The following PAX2 variants were observed in gnomAD, a reference collection of about 807,000 sequenced individuals.
The protein encoded by PAX2 is paired box 2.
PAX2 carries 9 observed loss-of-function variants against 41.7 expected under a neutral mutation model. The ratio of observed to expected loss-of-function variants is 0.22; its 90% confidence interval spans 0.13 to 0.38. The LOEUF (loss-of-function observed/expected upper bound fraction) is 0.38, where lower values mean the gene tolerates loss of function less well. Among genes scored for constraint, PAX2 ranks in the 10% least tolerant of loss-of-function variants. The probability of loss-of-function intolerance (pLI) is 1.00; values close to 1 mark genes in which losing one functional copy is unlikely to be tolerated. For synonymous variants in PAX2, 221 were observed against 212.7 expected (o/e 1.04, Z -0.34); for missense variants, 418 against 531.6 (o/e 0.79, Z 2.10).
rs1308370920 is a variant in PAX2, at chr10:100,827,906, G to A, written c.*287G>A. The A allele has an allele frequency of 4.4e-6, 2 of 458,122 alleles. No individual in the cohort carries two copies. Among genetic ancestry groups the A allele is most frequent in the African/African-American group, 2.1e-5 (1 of 47,516 alleles). 28.4% of individuals were successfully genotyped at this position (458,122 alleles called of 1,614,324 possible). ...CTGGACTGCGCGGCGCCGTGAGGGG[G>A]ATTCGGCCCAGCTCGTCCCGGCCTC... On this transcript the variant is annotated 3_prime_UTR_variant, in exon 10 of 10. Coordinates refer to ENST00000355243, the MANE Select transcript of PAX2 (RefSeq NM_000278.5). This position sits in a 1 kb window ranked among gnomAD's most constrained non-coding sequence, Gnocchi z 8.5.
Position 100,807,788 on chromosome 10 carries a change from A to G in PAX2, c.792+1183A>G, listed in dbSNP as rs146769583. Among the ~76,000 whole-genome samples, 725 of 152,300 alleles carry G rather than the reference A, an allele frequency of 4.8e-3. 10 individuals carry two copies. Among genetic ancestry groups the G allele is most frequent in the African/African-American group, 0.017 (694 of 41,558 alleles). On this transcript the variant is annotated intron_variant, in intron 6 of 9. Transcript: ENST00000355243. ...AGACAGCATTGCTGTGCTTGCATGC[A>G]TGCACACACGCACCCACACATGCAC... is the stretch of plus-strand genomic sequence containing the variant.
At position 100,789,054 on chromosome 10, in the gene PAX2, C is replaced by A. The variant is rs553783209; in HGVS notation, c.616+7689C>A. Among the ~76,000 whole-genome samples, 3 of 152,250 alleles carry A rather than the reference C, an allele frequency of 2.0e-5. No homozygotes were observed. In the South Asian group the frequency reaches 6.2e-4, roughly 32 times the overall value. On this transcript the variant is annotated intron_variant, in intron 5 of 9. Transcript: ENST00000355243. ...TCTCCTCCCAGACCCTGGTTCAGCA[C>A]TGTAAGAAGGCATTTATGTTGGTAG...
At chr10:100,745,452 C>T (rs1290540660), upstream of PAX2, among the ~76,000 whole-genome samples, 1 of 151,570 alleles carries the variant, frequency 6.6e-6, no homozygotes, top group African/African-American at 2.4e-5. Context: ...CCAGCGCTGG[C>T]GAATCACAGA....
chr10:100,794,719 T>C (rs1847261192), intron 5 of PAX2, among the ~76,000 whole-genome samples: 1 of 152,216 alleles, frequency 6.6e-6, no homozygotes, highest in South Asian at 2.1e-4. Flanking sequence ...ATCCATAATA[T>C]AGCCTAAGAT....
At chr10:100,758,724 G>A (rs567641038) in intron 3 of PAX2, among the ~76,000 whole-genome samples, 19 of 152,334 alleles carry the variant, frequency 1.2e-4, no homozygotes, top group Middle Eastern at 3.4e-3. Context: ...TCTGCTGACC[G>A]AATAAAACTC....
At chr10:100,741,792 C>G (rs1310244143), upstream of PAX2, among the ~76,000 whole-genome samples, 7 of 152,266 alleles carry the variant, frequency 4.6e-5, no homozygotes, top group East Asian at 1.9e-4. Context: ...CTTCGGACTA[C>G]TTTTCTCCCC....
At chr10:100,743,266 C>G (rs1358943688), upstream of PAX2, among the ~76,000 whole-genome samples, 4 of 152,196 alleles carry the variant, frequency 2.6e-5, no homozygotes, top group Non-Finnish European at 5.9e-5. Flanking sequence ...GTGAGGACAA[C>G]TTCCAGCACA....
In PAX2 at chr10:100,750,370, C is replaced by G. The variant is rs1399772815; in HGVS notation, c.213-324C>G. Among the ~76,000 whole-genome samples, 1 of 152,146 alleles carries G rather than the reference C, an allele frequency of 6.6e-6. No homozygotes were observed. The highest frequency in any genetic ancestry group is 1.5e-5 in the Non-Finnish European group (1 of 68,022). ...GAGGTGGTGCCTCAACCCTGGCCTC[C>G]CAGAGACCTTGCAGCGCTGTTCGTT... On this transcript the variant is annotated intron_variant, in intron 2 of 9. Coordinates refer to ENST00000355243, the MANE Select transcript of PAX2 (RefSeq NM_000278.5). The surrounding 1 kb of genome is among the most constrained non-coding windows in gnomAD (Gnocchi z 4.1).
intron 3 of PAX2, among the ~76,000 whole-genome samples, chr10:100,759,985 G>A (rs1040300416): frequency 2.6e-5 from 4 of 152,184 alleles, no homozygotes; most frequent in Non-Finnish European, 1.5e-5. Flanking sequence ...AGGACATGGA[G>A]GCGGTCAGGA....
chr10:100,795,382 C>T (rs1847284731), intron 5 of PAX2, among the ~76,000 whole-genome samples: 1 of 152,050 alleles, frequency 6.6e-6, no homozygotes, highest in Admixed American at 6.5e-5. Flanking sequence ...GTGATGAATG[C>T]CGTGATCAAG....
chr10:100,771,162 G>A (rs1846197895), intron 3 of PAX2, among the ~76,000 whole-genome samples: 1 of 152,192 alleles, frequency 6.6e-6, no homozygotes, highest in Admixed American at 6.5e-5. Flanking sequence ...TTGGAGCTCA[G>A]CTATGACTTC....
chr10:100,786,203 A>G (rs760301993), intron 5 of PAX2, among the ~76,000 whole-genome samples: 6 of 152,242 alleles, frequency 3.9e-5, no homozygotes, highest in Non-Finnish European at 7.3e-5. Context: ...GGATGGGACC[A>G]GCGCAGTGGA....
chr10:100,745,960 A>C lies in PAX2; in HGVS notation c.-301A>C, dbSNP rs945349007. 2 of 1,277,894 alleles carry C rather than the reference A, an allele frequency of 1.6e-6. No homozygotes were observed. The highest frequency in any genetic ancestry group is 2.0e-5 in the South Asian group (1 of 49,370). 79.2% of individuals were successfully genotyped at this position (1,277,894 alleles called of 1,614,324 possible). ...CCTGGCTGCAGCTGCAGCGCGAGCCATGCGCCCCCAGTGCACCCCGGCCCG... is the reference window on the plus strand; with the variant it reads ...CCTGGCTGCAGCTGCAGCGCGAGCCCTGCGCCCCCAGTGCACCCCGGCCCG... On this transcript the variant is annotated 5_prime_UTR_variant, in exon 1 of 10. An upstream start codon of the reference 5' UTR is lost. Coordinates refer to ENST00000355243, the MANE Select transcript of PAX2 (RefSeq NM_000278.5).
chr10:100,787,483 A>T (rs1846914832), intron 5 of PAX2, among the ~76,000 whole-genome samples: 1 of 152,084 alleles, frequency 6.6e-6, no homozygotes, highest in Non-Finnish European at 1.5e-5. Flanking sequence ...AGATGGTAAA[A>T]GGAAAAATTT....
intron 3 of PAX2, among the ~76,000 whole-genome samples, chr10:100,755,900 G>T (rs1837218707): frequency 6.6e-6 from 1 of 152,188 alleles, no homozygotes; most frequent in Non-Finnish European, 1.5e-5. Context: ...TTAGGGAAGG[G>T]GTGGAGATGT....
At chr10:100,775,029 C>G (rs906269144) in intron 3 of PAX2, among the ~76,000 whole-genome samples, 6 of 152,218 alleles carry the variant, frequency 3.9e-5, no homozygotes, top group African/African-American at 1.4e-4. Context: ...AAGTGGGGAG[C>G]AGGCACCCTG....
chr10:100,774,212 G>T (rs1315276625), intron 3 of PAX2, among the ~76,000 whole-genome samples: 3 of 152,190 alleles, frequency 2.0e-5, no homozygotes. Context: ...TTCATGCAGG[G>T]CTTTCATTCT....
chr10:100,743,425 AGG>A (rs56132517), upstream of PAX2, among the ~76,000 whole-genome samples: 20 of 151,214 alleles, frequency 1.3e-4, no homozygotes, highest in African/African-American at 4.1e-4. Context: ...TCTGTGTGGA[AGG>A]GGGGGGGTTT....
chr10:100,775,324 A>C (rs1235213083), intron 3 of PAX2, among the ~76,000 whole-genome samples: 1 of 152,162 alleles, frequency 6.6e-6, no homozygotes, highest in South Asian at 2.1e-4. Context: ...CCCCGAGTGA[A>C]ATTGCCATGA....
Sources: allele counts gnomAD v4.1 joint callset (sites outside exome capture counted in the v4.1 genomes callset), GRCh38; gene constraint gnomAD v4.1.1; non-coding constraint Gnocchi (gnomAD v3.1); transcripts MANE v1.5; gene names NCBI Gene and HGNC (gene_info 2026-07-23, HGNC 2026-07-21).